Variants in FBXO32 observed in about 807,000 individuals in gnomAD.
The protein encoded by FBXO32 is F-box only protein 32.
FBXO32 carries 15 observed loss-of-function variants against 48.3 expected under a neutral mutation model. The observed-to-expected ratio is 0.31, with a 90% CI of 0.21 to 0.48. FBXO32 has a LOEUF of 0.48. Ranked by LOEUF, FBXO32 falls within the 20% of genes least tolerant of loss-of-function variation. FBXO32 has a pLI of 0.99. For synonymous variants in FBXO32, 154 were observed against 165.9 expected (o/e 0.93, Z 0.55); for missense variants, 309 against 432.7 (o/e 0.71, Z 2.54).
At chr8:123,531,004 A>C in intron 4 of FBXO32, among the ~76,000 whole-genome samples, 1 of 96,768 alleles carries the variant, frequency 1.0e-5, no homozygotes, top group Non-Finnish European at 1.9e-5. Context: ...TTTTACATGG[A>C]GTCTCACTCC....
rs1441165858 is a variant in FBXO32 at position 123,541,143 on chromosome 8, C to T, written c.-129G>A. ...GGGCGGCGGGGCGGCGGGAACGGCG[C>T]GGGGCACCCTGCGGGGTGGCGGGCG... On this transcript the variant is annotated 5_prime_UTR_variant, in exon 1 of 9. Coordinates refer to ENST00000517956, the MANE Select transcript of FBXO32 (RefSeq NM_058229.4). The T allele has an allele frequency of 2.2e-5, 10 of 457,712 alleles. No homozygotes were observed. The South Asian group carries it at 3.0e-4, about 14-fold the overall frequency. The allele number at this position is 457,712 out of a possible 1,614,324, so 28.4% of individuals were successfully genotyped here.
Position 123,503,919 on chromosome 8 carries a change from A to G in FBXO32, c.979-457T>C, listed in dbSNP as rs565905262. Among the ~76,000 whole-genome samples the G allele has an allele frequency of 9.2e-5, 14 of 152,260 alleles. No homozygotes were observed. In the South Asian group the frequency reaches 2.7e-3, roughly 29 times the overall value. On this transcript the variant is annotated intron_variant, in intron 8 of 8. Transcript: ENST00000517956. ...ATGGCAAAACCCCATTCTACTAAAA[A>G]TTACAGAAATTAGCCTGGGTGTGGT...
rs916375697 is a variant in FBXO32, at chr8:123,503,143, A to G, written c.*230T>C. ...TGGCAAATTGTTAGAAAAAAAGTTT[A>G]TTTACAGTATTTTGCTTTTCCATAC... On this transcript the variant is annotated 3_prime_UTR_variant, in exon 9 of 9. Coordinates refer to ENST00000517956, the MANE Select transcript of FBXO32 (RefSeq NM_058229.4). 5.3e-6 allele frequency: 2 copies of G among 374,106 alleles called. No homozygotes were observed. Among genetic ancestry groups the G allele is most frequent in the African/African-American group, 4.2e-5 (2 of 47,950 alleles). The allele number at this position is 374,106 out of a possible 1,614,324, so 23.2% of individuals were successfully genotyped here.
chr8:123,532,327 A>G (rs151151690), intron 3 of FBXO32, among the ~76,000 whole-genome samples: 39 of 152,340 alleles, frequency 2.6e-4, no homozygotes, highest in East Asian at 1.9e-3. Context: ...GGAGCAGGGT[A>G]CGGGACATGG....
intron 6 of FBXO32, among the ~76,000 whole-genome samples, chr8:123,507,317 G>A (rs539246934): frequency 6.6e-6 from 1 of 152,174 alleles, no homozygotes; most frequent in Non-Finnish European, 1.5e-5. Flanking sequence ...TTTCACTACT[G>A]TGTCCAGGGT....
rs573454504 is a variant in FBXO32 at position 123,528,577 on chromosome 8, A to T, written c.372+3321T>A. 1.6e-4 allele frequency among the ~76,000 whole-genome samples: 25 copies of T among 152,338 alleles called. No homozygotes were observed. The East Asian group carries it at 4.6e-3, about 28-fold the overall frequency. On this transcript the variant is annotated intron_variant, in intron 4 of 8. Coordinates refer to ENST00000517956, the MANE Select transcript of FBXO32 (RefSeq NM_058229.4). ...CTGTGTAGGGGAGGGAGCAGGGCCA[A>T]TGCATGTAGCTTGTAGCCAGTGAAA... is the stretch of plus-strand genomic sequence containing the variant.
intron 2 of FBXO32, among the ~76,000 whole-genome samples, chr8:123,533,862 C>T (rs78332318): frequency 0.038 from 5,777 of 151,168 alleles, 170 homozygotes; most frequent in Non-Finnish European, 0.059. Flanking sequence ...GTGAACAGAG[C>T]GGGGTAGATC....
chr8:123,533,336 G>T lies in FBXO32; in HGVS notation c.230-96C>A. ...TTTATTCCAAAGTTTTAAAAGTTTT[G>T]ACAAAAAAGATAAGGAGTCTACTGA... On this transcript the variant is annotated intron_variant, in intron 2 of 8. Transcript: ENST00000517956. 3 of 1,060,596 alleles carry T rather than the reference G, an allele frequency of 2.8e-6. No individual in the cohort carries two copies. In the South Asian group the frequency reaches 4.3e-5, roughly 15 times the overall value. 65.7% of individuals were successfully genotyped at this position (1,060,596 alleles called of 1,614,324 possible).
intron 6 of FBXO32, among the ~76,000 whole-genome samples, chr8:123,511,607 C>T (rs1202955243): frequency 1.3e-5 from 2 of 152,148 alleles, no homozygotes; most frequent in African/African-American, 4.8e-5. Flanking sequence ...TCCCGAGTAG[C>T]TGGGACTACA....
intron 6 of FBXO32, among the ~76,000 whole-genome samples, chr8:123,508,454 G>A (rs182176133): frequency 3.3e-5 from 5 of 152,222 alleles, no homozygotes; most frequent in Admixed American, 2.6e-4. Context: ...AGCTCCCCTG[G>A]GAAGTCTCCC....
At position 123,498,152 on chromosome 8, in the gene FBXO32, C is replaced by A. The variant is rs1190662499; in HGVS notation, c.*5221G>T. The A allele has an allele frequency of 6.6e-6, 1 of 152,202 alleles. No homozygotes were observed. Among genetic ancestry groups the A allele is most frequent in the East Asian group, 1.9e-4 (1 of 5,200 alleles). The allele number at this position is 152,202 out of a possible 1,614,324, so 9.4% of individuals were successfully genotyped here. On this transcript the variant is annotated 3_prime_UTR_variant, in exon 9 of 9. Transcript: ENST00000517956. The stretch of plus-strand genomic sequence containing the variant: ...TACATTAAAGCTTCTAAGCTTAGGA[C>A]ACAGGCTGTAATATACGCCCACTTT...
rs944014437 is a variant in FBXO32, at chr8:123,513,999, T to A, written c.466+241A>T. ...TACACTGAGAAGCCTACGAGGCTTATAGTAGGGCAAGTGGATGGTCCCAAA... is the reference window on the plus strand; with the variant it reads ...TACACTGAGAAGCCTACGAGGCTTAAAGTAGGGCAAGTGGATGGTCCCAAA... On this transcript the variant is annotated intron_variant, in intron 5 of 8. Transcript: ENST00000517956. The surrounding 1 kb of genome is among the most constrained non-coding windows in gnomAD (Gnocchi z 4.3). 1 of 442,982 alleles carries A rather than the reference T, an allele frequency of 2.3e-6. No individual in the cohort carries two copies. Among genetic ancestry groups the A allele is most frequent in the Admixed American group, 4.1e-5 (1 of 24,628 alleles). The allele number at this position is 442,982 out of a possible 1,614,324, so 27.4% of individuals were successfully genotyped here.
intron 4 of FBXO32, among the ~76,000 whole-genome samples, chr8:123,515,731 T>C (rs1396742386): frequency 2.0e-5 from 3 of 152,196 alleles, no homozygotes; most frequent in African/African-American, 7.2e-5. Context: ...CGGTGGCTCA[T>C]GCGTGTAATC....
rs148373920 is a variant in FBXO32, at chr8:123,506,072, T to TA, written c.834+319dup. On this transcript the variant is annotated intron_variant, in intron 7 of 8. Coordinates refer to ENST00000517956, the MANE Select transcript of FBXO32 (RefSeq NM_058229.4). This position sits in a 1 kb window ranked among gnomAD's most constrained non-coding sequence, Gnocchi z 4.0. ...GACCCTATTTCTACAAAAACAATAA[T>TA]AAAAAAATTATCCGGGTGTTGTGGC... Among the ~76,000 whole-genome samples the TA allele has an allele frequency of 0.051, 7,687 of 151,776 alleles. 236 individuals carry two copies. The highest frequency in any genetic ancestry group is 0.088 in the African/African-American group (3,659 of 41,386).
chr8:123,531,891 G>C lies in FBXO32; in HGVS notation c.372+7C>G. On this transcript the variant is annotated splice_region_variant and intron_variant, in intron 4 of 8. Transcript: ENST00000517956. ...CCTGGATGAGCCTTTAGGCACTTGA[G>C]ACTTACCCGGACCACGTAGTTAAAT... 1 of 1,614,006 alleles carries C rather than the reference G, an allele frequency of 6.2e-7. No homozygotes were observed. Among genetic ancestry groups the C allele is most frequent in the Non-Finnish European group, 8.5e-7 (1 of 1,179,976 alleles).
intron 4 of FBXO32, among the ~76,000 whole-genome samples, chr8:123,529,859 C>T (rs188179143): frequency 5.9e-5 from 9 of 152,266 alleles, no homozygotes; most frequent in African/African-American, 2.2e-4. Flanking sequence ...AAAGGAAAAG[C>T]AGGTAGAAAG....
Position 123,513,048 on chromosome 8 carries a change from C to G in FBXO32, c.651+150G>C. 1.2e-6 allele frequency: 1 copy of G among 855,772 alleles called. No individual in the cohort carries two copies. Among genetic ancestry groups the G allele is most frequent in the Non-Finnish European group, 1.8e-6 (1 of 571,184 alleles). 53.0% of individuals were successfully genotyped at this position (855,772 alleles called of 1,614,324 possible). A position where few individuals can be genotyped will look rare whatever the true frequency, so the allele number is the denominator to read the frequency against. On this transcript the variant is annotated intron_variant, in intron 6 of 8. Transcript: ENST00000517956. The surrounding 1 kb of genome is among the most constrained non-coding windows in gnomAD (Gnocchi z 4.3). ...CCCACTTCCCTTTATCAGGAGGTCC[C>G]CCAGCCCACCCTCAGCACCAGAACA...
At chr8:123,505,810 T>A (rs959637554) in intron 7 of FBXO32, among the ~76,000 whole-genome samples, 1 of 152,166 alleles carries the variant, frequency 6.6e-6, no homozygotes, top group Non-Finnish European at 1.5e-5. Context: ...AAAAAAAGGA[T>A]GGGTGCCAAT....
chr8:123,515,546 G>T (rs1018467168), intron 4 of FBXO32, among the ~76,000 whole-genome samples: 4 of 151,204 alleles, frequency 2.6e-5, no homozygotes, highest in African/African-American at 9.7e-5. Flanking sequence ...ACCGCGCCCC[G>T]CCAGTTTGTT....
Sources: allele counts gnomAD v4.1 joint callset (sites outside exome capture counted in the v4.1 genomes callset), GRCh38; gene constraint gnomAD v4.1.1; non-coding constraint Gnocchi (gnomAD v3.1); transcripts MANE v1.5; gene names NCBI Gene and HGNC (gene_info 2026-07-23, HGNC 2026-07-21).